The following ZNF600 variants were observed in gnomAD, a reference collection of about 807,000 sequenced individuals.
ZNF600 encodes the protein zinc finger protein 600.
Under a neutral mutation model 7.3 loss-of-function variants are expected in ZNF600, and 4 were observed. That is an observed-to-expected ratio of 0.55 (90% CI 0.27 to 1.25). The LOEUF (loss-of-function observed/expected upper bound fraction) is 1.25. Among genes scored for constraint, ZNF600 ranks in the 50% most tolerant of loss-of-function variants. The probability of loss-of-function intolerance (pLI) is 0.12; values close to 1 mark genes in which losing one functional copy is unlikely to be tolerated. For synonymous variants in ZNF600, 290 were observed against 308.9 expected (o/e 0.94, Z 0.64); for missense variants, 911 against 922.1 (o/e 0.99, Z 0.16).
chr19:52,778,047 TCTGTCTCCCAGG>T (rs1193630731), intron 2 of ZNF600, among the ~76,000 whole-genome samples: 9 of 152,020 alleles, frequency 5.9e-5, no homozygotes, highest in African/African-American at 1.9e-4. Flanking sequence ...AGAGTCTCAC[TCTGTCTCCCAGG>T]CTGGAGTGCA....
the ZNF600 span, among the ~76,000 whole-genome samples, chr19:52,817,315 T>C: frequency 6.6e-6 from 1 of 152,076 alleles, no homozygotes; most frequent in Non-Finnish European, 1.5e-5. Context: ...GAGGTTGCGG[T>C]GAGCTGAGAT....
chr19:52,801,363 C>T, the ZNF600 span: 17 of 1,614,088 alleles, frequency 1.1e-5, no homozygotes, highest in Admixed American at 6.7e-5. Flanking sequence ...AACTTGATTA[C>T]CAATTTTCCC....
chr19:52,802,197 A>C, the ZNF600 span, among the ~76,000 whole-genome samples: 1 of 152,220 alleles, frequency 6.6e-6, no homozygotes. Context: ...TAGCACTGAC[A>C]AGATAACAAA....
exon 4 of ZNF600, chr19:52,767,036 G>A (rs2062588254): frequency 1.2e-6 from 2 of 1,614,036 alleles, no homozygotes; most frequent in Non-Finnish European, 1.7e-6. Flanking sequence ...TTACTGCAGT[G>A]TGAAGTCTAC....
At chr19:52,775,494 G>A (rs2062667334) in intron 2 of ZNF600, among the ~76,000 whole-genome samples, 1 of 152,078 alleles carries the variant, frequency 6.6e-6, no homozygotes, top group Non-Finnish European at 1.5e-5. Context: ...AGGTTACAGT[G>A]AGCCAAGATC....
At chr19:52,790,279 A>G (rs1177623971), upstream of ZNF600, among the ~76,000 whole-genome samples, 3 of 152,174 alleles carry the variant, frequency 2.0e-5, no homozygotes, top group Non-Finnish European at 4.4e-5. Context: ...AGGGCAGATC[A>G]TGAGGTCAGG....
At chr19:52,782,407 TAAC>T (rs1382343316) in intron 1 of ZNF600, among the ~76,000 whole-genome samples, 2 of 147,862 alleles carry the variant, frequency 1.4e-5, no homozygotes, top group Non-Finnish European at 3.0e-5. Context: ...CCTGTAATCA[TAAC>T]TACTCAGGAG....
chr19:52,771,526 T>C (rs1475521022), intron 3 of ZNF600, among the ~76,000 whole-genome samples: 9 of 151,814 alleles, frequency 5.9e-5, no homozygotes, highest in Non-Finnish European at 1.3e-4. Context: ...CGGGCTGGAG[T>C]GCAGTGGCGC....
the ZNF600 span, among the ~76,000 whole-genome samples, chr19:52,824,972 CTGTAGTTCCAGCTACT>C: frequency 6.6e-6 from 1 of 152,224 alleles, no homozygotes; most frequent in South Asian, 2.1e-4. Context: ...TGGTGCACAC[CTGTAGTTCCAGCTACT>C]TGGGAGGCTG....
chr19:52,810,142 C>A, the ZNF600 span: 1 of 902,110 alleles, frequency 1.1e-6, no homozygotes, highest in Non-Finnish European at 1.9e-6. Flanking sequence ...GAGGGTGACC[C>A]GGGGCTGGAA....
the ZNF600 span, among the ~76,000 whole-genome samples, chr19:52,796,665 A>C: frequency 1.3e-5 from 2 of 152,086 alleles, no homozygotes; most frequent in Non-Finnish European, 2.9e-5. Flanking sequence ...CAGGGGTTTC[A>C]CCATTCTGTC....
the ZNF600 span, among the ~76,000 whole-genome samples, chr19:52,806,807 C>T: frequency 6.6e-6 from 1 of 151,950 alleles, no homozygotes; most frequent in Non-Finnish European, 1.5e-5. Context: ...GAATCTGGGG[C>T]ATAAGCATCC....
At chr19:52,798,540 A>G in the ZNF600 span, 1 of 511,014 alleles carries the variant, frequency 2.0e-6, no homozygotes, top group Non-Finnish European at 4.0e-6. Context: ...TCCAGCATGG[A>G]TTCTCTGATG....
At chr19:52,828,853 ATTTTT>A in the ZNF600 span, among the ~76,000 whole-genome samples, 7 of 152,010 alleles carry the variant, frequency 4.6e-5, no homozygotes, top group East Asian at 1.2e-3. Context: ...CTTTATTTTT[ATTTTT>A]ATTTCTTTAT....
chr19:52,800,524 A>G, the ZNF600 span: 62 of 1,613,622 alleles, frequency 3.8e-5, 1 homozygote, highest in East Asian at 1.3e-3. Flanking sequence ...CATTCATTAC[A>G]CTTGTAAGGC....
chr19:52,769,375 G>C (rs1600378241), intron 3 of ZNF600, among the ~76,000 whole-genome samples: 1 of 152,140 alleles, frequency 6.6e-6, no homozygotes, highest in African/African-American at 2.4e-5. Flanking sequence ...CAAAATGAGT[G>C]AAAGTACTAA....
upstream of ZNF600, among the ~76,000 whole-genome samples, chr19:52,790,682 C>CTTTTTT (rs71183835): frequency 5.1e-5 from 5 of 98,568 alleles, no homozygotes; most frequent in Non-Finnish European, 7.5e-5. Context: ...TCTCTCTCTC[C>CTTTTTT]TTTTTTTTTT....
the ZNF600 span, among the ~76,000 whole-genome samples, chr19:52,804,179 A>G: frequency 6.6e-6 from 1 of 152,210 alleles, no homozygotes; most frequent in Non-Finnish European, 1.5e-5. Flanking sequence ...GGTCTAAAGC[A>G]TGAAGAAGGC....
chr19:52,831,660 G>T, the ZNF600 span, among the ~76,000 whole-genome samples: 3 of 151,828 alleles, frequency 2.0e-5, no homozygotes, highest in Admixed American at 6.6e-5. Context: ...CCGCCACCAC[G>T]CCCAGCTAAT....
Sources: allele counts gnomAD v4.1 joint callset (sites outside exome capture counted in the v4.1 genomes callset), GRCh38; gene constraint gnomAD v4.1.1; transcripts MANE v1.5; gene names NCBI Gene and HGNC (gene_info 2026-07-23, HGNC 2026-07-21).